Variants in LRRC4C observed in about 807,000 individuals in gnomAD.
The protein encoded by LRRC4C is leucine-rich repeat-containing protein 4C.
LRRC4C carries 5 observed loss-of-function variants against 33.6 expected under a neutral mutation model. The observed-to-expected ratio is 0.15, with a 90% CI of 0.08 to 0.31. The LOEUF is 0.31. LRRC4C is among the 10% of genes least tolerant of loss of function. The pLI, the probability that LRRC4C is intolerant of heterozygous loss-of-function variation, is 1.00. For missense variants in LRRC4C, 560 were observed against 796.7 expected, an observed-to-expected ratio of 0.70 and a Z score of 3.58; for synonymous variants, 329 against 302.0, an observed-to-expected ratio of 1.09 and a Z score of -0.93.
intron 1 of LRRC4C, among the ~76,000 whole-genome samples, chr11:41,238,035 C>A (rs1442378781): frequency 6.6e-6 from 1 of 151,852 alleles, no homozygotes; most frequent in African/African-American, 2.4e-5. Flanking sequence ...CTTAGCTCAA[C>A]TGTCACTCTT....
At chr11:41,345,766 G>A (rs968891460) in intron 1 of LRRC4C, among the ~76,000 whole-genome samples, 15 of 151,946 alleles carry the variant, frequency 9.9e-5, no homozygotes, top group African/African-American at 2.9e-4. Flanking sequence ...CACTAGATAC[G>A]ATAGAAGCAG....
At chr11:40,204,059 A>C (rs1367010317) in intron 5 of LRRC4C, among the ~76,000 whole-genome samples, 1 of 152,122 alleles carries the variant, frequency 6.6e-6, no homozygotes, top group Non-Finnish European at 1.5e-5. Context: ...AGTAACTGGG[A>C]CTACAGGTGT....
chr11:41,108,928 G>C (rs533076856), intron 1 of LRRC4C, among the ~76,000 whole-genome samples: 1 of 152,070 alleles, frequency 6.6e-6, no homozygotes, highest in Non-Finnish European at 1.5e-5. Context: ...GCACATCCAC[G>C]TTCATTCCCA....
intron 3 of LRRC4C, among the ~76,000 whole-genome samples, chr11:40,559,084 C>T (rs539943300): frequency 5.3e-5 from 8 of 151,908 alleles, no homozygotes; most frequent in Non-Finnish European, 1.2e-4. Flanking sequence ...ATATGTACCA[C>T]ATTTTCTTGT....
intron 4 of LRRC4C, among the ~76,000 whole-genome samples, chr11:40,301,494 T>C (rs1944772477): frequency 6.6e-6 from 1 of 152,224 alleles, no homozygotes; most frequent in South Asian, 2.1e-4. Flanking sequence ...AGCTGCATTT[T>C]ATACAGCTAA....
rs148889294 is a variant in LRRC4C at position 40,615,282 on chromosome 11, A to G, written c.-270+32860T>C. ...TATATATATACACACACACACACAT[A>G]TGTATATTCACATAAACTCTCAGTA... On this transcript the variant is annotated intron_variant, in intron 3 of 6. Transcript: ENST00000528697. Among the ~76,000 whole-genome samples, 128 of 148,392 alleles carry G rather than the reference A, an allele frequency of 8.6e-4. 4 individuals are homozygous for G. Among genetic ancestry groups the G allele is most frequent in the African/African-American group, 3.1e-3 (126 of 40,112 alleles).
intron 3 of LRRC4C, among the ~76,000 whole-genome samples, chr11:40,352,304 C>T (rs1947448206): frequency 6.6e-6 from 1 of 151,722 alleles, no homozygotes; most frequent in Non-Finnish European, 1.5e-5. Context: ...GAATAACATC[C>T]TATAAACCAT....
chr11:41,220,557 C>CAT (rs1947261698), intron 1 of LRRC4C, among the ~76,000 whole-genome samples: 1 of 150,940 alleles, frequency 6.6e-6, no homozygotes, highest in African/African-American at 2.4e-5. Context: ...CACACACACA[C>CAT]ACACAATTCT....
chr11:40,694,050 G>A (rs1223317378), intron 2 of LRRC4C, among the ~76,000 whole-genome samples: 2 of 152,140 alleles, frequency 1.3e-5, no homozygotes, highest in Non-Finnish European at 2.9e-5. Flanking sequence ...CCTGGGAGAT[G>A]AAAGGCAAAG....
chr11:40,857,830 G>T (rs1591908418), intron 2 of LRRC4C, among the ~76,000 whole-genome samples: 1 of 152,006 alleles, frequency 6.6e-6, no homozygotes, highest in Non-Finnish European at 1.5e-5. Flanking sequence ...TAGGAGGATT[G>T]CTTGAGCCCA....
At chr11:40,700,704 A>C (rs1441988982) in intron 2 of LRRC4C, among the ~76,000 whole-genome samples, 1 of 152,148 alleles carries the variant, frequency 6.6e-6, no homozygotes, top group Non-Finnish European at 1.5e-5. Context: ...TCACCATTAC[A>C]CCATGGAACC....
At chr11:40,570,639 C>T (rs1396079810) in intron 3 of LRRC4C, among the ~76,000 whole-genome samples, 1 of 152,054 alleles carries the variant, frequency 6.6e-6, no homozygotes, top group Non-Finnish European at 1.5e-5. Flanking sequence ...TATGTTGATG[C>T]CTCTACTTCC....
intron 1 of LRRC4C, among the ~76,000 whole-genome samples, chr11:40,988,412 C>T (rs1175480017): frequency 3.3e-5 from 5 of 152,066 alleles, no homozygotes; most frequent in African/African-American, 1.2e-4. Flanking sequence ...TGTTCAATCC[C>T]CTGAATTTCT....
At chr11:40,492,492 C>A (rs539741423) in intron 3 of LRRC4C, among the ~76,000 whole-genome samples, 1 of 152,080 alleles carries the variant, frequency 6.6e-6, no homozygotes, top group African/African-American at 2.4e-5. Context: ...AATCATGTTT[C>A]ATTTTCCCTA....
At chr11:40,510,184 T>C (rs1473839785) in intron 3 of LRRC4C, among the ~76,000 whole-genome samples, 1 of 149,054 alleles carries the variant, frequency 6.7e-6, no homozygotes, top group African/African-American at 2.4e-5. Flanking sequence ...TTATATATCA[T>C]ATCTATGTGT....
intron 1 of LRRC4C, among the ~76,000 whole-genome samples, chr11:41,141,896 A>G (rs1463603813): frequency 6.6e-6 from 1 of 152,192 alleles, no homozygotes; most frequent in African/African-American, 2.4e-5. Flanking sequence ...TAATTTAGGT[A>G]CAATATGAGG....
intron 3 of LRRC4C, among the ~76,000 whole-genome samples, chr11:40,497,284 T>C (rs12288192): frequency 0.11 from 16,884 of 151,862 alleles, 1,016 homozygotes; most frequent in East Asian, 0.13. Context: ...GATGCCTGTA[T>C]TCCCAGCTAC....
At chr11:41,255,370 G>A (rs922893584) in intron 1 of LRRC4C, among the ~76,000 whole-genome samples, 2 of 151,946 alleles carry the variant, frequency 1.3e-5, no homozygotes, top group South Asian at 2.1e-4. Context: ...GTGACAGAAA[G>A]CTCAAAGACC....
At chr11:41,107,680 G>A (rs1049861033) in intron 1 of LRRC4C, among the ~76,000 whole-genome samples, 1 of 152,148 alleles carries the variant, frequency 6.6e-6, no homozygotes, top group African/African-American at 2.4e-5. Context: ...GCTCACAACT[G>A]TAATCCCAGC....
Sources: gnomAD v4.1 joint callset for allele counts (sites outside exome capture counted in the v4.1 genomes callset) on GRCh38, gnomAD v4.1.1 for gene constraint, MANE v1.5 for transcripts, NCBI Gene and HGNC (gene_info 2026-07-23, HGNC 2026-07-21) for gene names.